Variants in CTDP1 observed in about 807,000 individuals in gnomAD.
CTDP1 encodes CTD phosphatase 1.
In CTDP1, 47 loss-of-function variants were observed where a neutral mutation model predicts 91.8. That is an observed-to-expected ratio of 0.51 (90% CI 0.41 to 0.65). The LOEUF (loss-of-function observed/expected upper bound fraction) is 0.65, where lower values mean the gene tolerates loss of function less well. CTDP1 is among the 30% of genes least tolerant of loss of function. The pLI is 0.00. For missense variants in CTDP1, 1,272 were observed against 1,373.7 expected, an observed-to-expected ratio of 0.93 and a Z score of 1.17; for synonymous variants, 656 against 598.5, an observed-to-expected ratio of 1.10 and a Z score of -1.40.
intron 7 of CTDP1, among the ~76,000 whole-genome samples, chr18:79,714,260 G>T (rs1221146146): frequency 2.0e-5 from 3 of 152,088 alleles, no homozygotes; most frequent in African/African-American, 7.2e-5. Context: ...TAAGTTTAAC[G>T]CAAATACTCC....
At chr18:79,706,671 T>G (rs550531385) in intron 5 of CTDP1, among the ~76,000 whole-genome samples, 1 of 152,274 alleles carries the variant, frequency 6.6e-6, no homozygotes, top group Non-Finnish European at 1.5e-5. Context: ...CACGTTGTTA[T>G]AAATCTTCAT....
At chr18:79,727,079 G>T (rs1025685450) in intron 10 of CTDP1, among the ~76,000 whole-genome samples, 1 of 152,198 alleles carries the variant, frequency 6.6e-6, no homozygotes, top group South Asian at 2.1e-4. Flanking sequence ...TGACCTTCCC[G>T]CGTGGGTGTG....
At chr18:79,728,815 T>C in intron 10 of CTDP1, 92 bp from the exon 11 acceptor site, 1 of 1,460,098 alleles carries the variant, frequency 6.8e-7, no homozygotes, top group Non-Finnish European at 9.5e-7. Flanking sequence ...TGTGAGTGTT[T>C]ACCTAGTCCG....
At chr18:79,707,774 G>C (rs1423419701) in intron 5 of CTDP1, among the ~76,000 whole-genome samples, 1 of 152,160 alleles carries the variant, frequency 6.6e-6, no homozygotes, top group Non-Finnish European at 1.5e-5. Flanking sequence ...AGATGACCTG[G>C]GTCAGCTTTT....
intron 12 of CTDP1, among the ~76,000 whole-genome samples, chr18:79,737,127 G>C (rs984851318): frequency 6.6e-6 from 1 of 152,210 alleles, no homozygotes; most frequent in African/African-American, 2.4e-5. Flanking sequence ...CGCTTCCTTC[G>C]CCATGAATGA....
rs780586486 is a variant in CTDP1, at chr18:79,753,760, G to T, written c.2856G>T (p.Ala952=). 6 of 1,613,794 alleles carry T rather than the reference G, an allele frequency of 3.7e-6. No individual in the cohort carries two copies. The South Asian group carries it at 5.5e-5, about 15-fold the overall frequency. ...CCGAGGCCGACGAGATGGCCAAGGC[G>T]CTGGAGGCGGAGCTCAACGACCTCA... ...SSSEADEMAK[A]LEAELNDLM is the part of the protein sequence containing the mutation. The change falls in exon 13 of 13, where the codon GCG becomes GCT. Residue 952 remains alanine, a synonymous_variant. Transcript: ENST00000613122.
chr18:79,720,772 G>A (rs1389084898), intron 10 of CTDP1, among the ~76,000 whole-genome samples: 2 of 152,186 alleles, frequency 1.3e-5, no homozygotes, highest in Admixed American at 6.5e-5. Flanking sequence ...TGTTTCTGAC[G>A]CTGACGACCC....
chr18:79,690,848 A>G (rs1299485366), intron 1 of CTDP1, among the ~76,000 whole-genome samples: 1 of 152,226 alleles, frequency 6.6e-6, no homozygotes, highest in African/African-American at 2.4e-5. Flanking sequence ...TAAGACAGTC[A>G]GAACCTTTCA....
Position 79,713,190 on chromosome 18 carries a change from T to G in CTDP1, c.1030+52T>G, listed in dbSNP as rs1208486263. 6.5e-7 allele frequency: 1 copy of G among 1,543,524 alleles called. No individual in the cohort carries two copies. Among genetic ancestry groups the G allele is most frequent in the East Asian group, 2.3e-5 (1 of 43,416 alleles). On this transcript the variant is annotated intron_variant, in intron 7 of 12. Coordinates refer to ENST00000613122, the MANE Select transcript of CTDP1 (RefSeq NM_004715.5). This position sits in a 1 kb window ranked among gnomAD's most constrained non-coding sequence, Gnocchi z 4.7. ...AGAAGAATTCACATTTGCTTATTGT[T>G]TAGCTCTTCTTATTTCTTATCTCTG...
chr18:79,717,837 C>A lies in CTDP1; in HGVS notation c.2238C>A (p.Asp746Glu). 6.2e-7 allele frequency: 1 copy of A among 1,613,698 alleles called. No individual in the cohort carries two copies. The highest frequency in any genetic ancestry group is 8.5e-7 in the Non-Finnish European group (1 of 1,180,000). Residue 746 changes from aspartate (D) to glutamate (E), a missense_variant, in exon 10 of 13, where the codon GAC becomes GAA. By Grantham distance (45) the Asp-to-Glu change is conservative. Around this residue, in one of 3 missense-constraint regions of CTDP1, gnomAD observed 881 missense variants for 911.6 expected, o/e 0.97. Coordinates refer to ENST00000613122, the MANE Select transcript of CTDP1 (RefSeq NM_004715.5). ...QRENSPAAFP[D>E]REGVPPTALF... is the part of the protein sequence containing the mutation. ...AGAACAGCCCTGCGGCCTTTCCCGA[C>A]CGGGAGGGTGTGCCCCCCACCGCCT... is the stretch of plus-strand genomic sequence containing the variant.
rs370518601 is a variant in CTDP1 at position 79,710,452 on chromosome 18, C to T, written c.863+16C>T. On this transcript the variant is annotated intron_variant, in intron 6 of 12. Coordinates refer to ENST00000613122, the MANE Select transcript of CTDP1 (RefSeq NM_004715.5). Reference sequence around the variant, plus strand: ...GAAACCTTAGGTATGTACCCAGCCGCGCTCCTCACAAAGACCTCGCTGTTC... The same window carrying T: ...GAAACCTTAGGTATGTACCCAGCCGTGCTCCTCACAAAGACCTCGCTGTTC... 18 of 1,565,484 alleles carry T rather than the reference C, an allele frequency of 1.1e-5. 1 individual carries two copies. Among genetic ancestry groups the T allele is most frequent in the Admixed American group, 1.7e-5 (1 of 59,946 alleles).
chr18:79,736,181 G>T (rs1416800868), intron 11 of CTDP1, 174 bp from the exon 12 acceptor site: 2 of 784,656 alleles, frequency 2.5e-6, no homozygotes, highest in African/African-American at 1.7e-5. Flanking sequence ...TTTGCCCGGG[G>T]CTTTGTTAAG....
chr18:79,692,122 G>A (rs1366057233), intron 1 of CTDP1, among the ~76,000 whole-genome samples: 1 of 131,050 alleles, frequency 7.6e-6, no homozygotes, highest in South Asian at 2.8e-4. Context: ...AAGAGTGGAC[G>A]GCTCCCAGGG....
At position 79,754,027 on chromosome 18, in the gene CTDP1, A is replaced by C. The variant is rs991420211; in HGVS notation, c.*237A>C. On this transcript the variant is annotated 3_prime_UTR_variant, in exon 13 of 13. Coordinates refer to ENST00000613122, the MANE Select transcript of CTDP1 (RefSeq NM_004715.5). ...TTAAAGGCCCAGGTGTGCTGTGCCA[A>C]AGAGCTCAGCAGAGGCTCACGTGGC... 2 of 594,310 alleles carry C rather than the reference A, an allele frequency of 3.4e-6. No homozygotes were observed. The highest frequency in any genetic ancestry group is 6.4e-5 in the East Asian group (2 of 31,058). The allele number at this position is 594,310 out of a possible 1,614,324, so 36.8% of individuals were successfully genotyped here. A position where few individuals can be genotyped will look rare whatever the true frequency, so the allele number is the denominator to read the frequency against.
intron 12 of CTDP1, among the ~76,000 whole-genome samples, chr18:79,752,286 C>A (rs1317578589): frequency 1.4e-5 from 2 of 146,222 alleles, no homozygotes; most frequent in Non-Finnish European, 1.5e-5. Flanking sequence ...GTGGCACCGG[C>A]TGGTTATGCA....
At chr18:79,717,069 G>T (rs2086225854) in intron 8 of CTDP1, among the ~76,000 whole-genome samples, 1 of 149,792 alleles carries the variant, frequency 6.7e-6, no homozygotes, top group Non-Finnish European at 1.5e-5. Context: ...GTACAGCCGG[G>T]TGAGGGCCCT....
At chr18:79,726,797 A>T (rs118157019) in intron 10 of CTDP1, among the ~76,000 whole-genome samples, 4,678 of 37,854 alleles carry the variant, frequency 0.12, 179 homozygotes, top group Non-Finnish European at 0.15. Context: ...CTGTGGGGGA[A>T]GGGGGTGACG....
intron 4 of CTDP1, among the ~76,000 whole-genome samples, chr18:79,699,619 G>A (rs1379257095): frequency 1.3e-5 from 2 of 151,986 alleles, no homozygotes; most frequent in Non-Finnish European, 2.9e-5. Context: ...AAGGATGTAA[G>A]GACTTTATGA....
upstream of CTDP1, chr18:79,679,320 G>C: frequency 4.6e-6 from 2 of 430,310 alleles, no homozygotes; most frequent in Non-Finnish European, 9.6e-6. Context: ...CCAGGACGCC[G>C]ACAGCCTCAC....
Sources: allele counts gnomAD v4.1 joint callset (sites outside exome capture counted in the v4.1 genomes callset), GRCh38; gene constraint gnomAD v4.1.1; regional missense constraint gnomAD v4.1.1; non-coding constraint Gnocchi (gnomAD v3.1); transcripts MANE v1.5; gene names NCBI Gene and HGNC (gene_info 2026-07-23, HGNC 2026-07-21).